FAM76A: variants seen among roughly 807,000 people sequenced by gnomAD.
FAM76A encodes family with sequence similarity 76 member A.
A neutral mutation model predicts 46.2 loss-of-function variants in FAM76A; 32 were observed. The observed-to-expected ratio is 0.69, with a 90% CI of 0.52 to 0.93. The LOEUF is 0.93. FAM76A is among the 40% of genes least tolerant of loss of function. The probability of loss-of-function intolerance (pLI) is 0.00; values close to 1 mark genes in which losing one functional copy is unlikely to be tolerated. For missense variants in FAM76A, 274 were observed against 361.5 expected (o/e 0.76, Z 1.96); for synonymous variants, 137 against 127.0 (o/e 1.08, Z -0.53).
chr1:27,727,588 A>G, intron 2 of FAM76A, 52 bp downstream of exon 2: 2 of 1,382,034 alleles, frequency 1.4e-6, no homozygotes, highest in South Asian at 2.4e-5. Flanking sequence ...TCCTCTTAAA[A>G]TCTGTAATTG....
chr1:27,743,866 A>C (rs911543755), intron 4 of FAM76A, among the ~76,000 whole-genome samples: 1 of 152,050 alleles, frequency 6.6e-6, no homozygotes, highest in African/African-American at 2.4e-5. Flanking sequence ...GCTTGAGCCC[A>C]GAAGTTTAAG....
At chr1:27,757,894 G>A (rs11247677) in intron 7 of FAM76A, among the ~76,000 whole-genome samples, 5,740 of 151,892 alleles carry the variant, frequency 0.038, 370 homozygotes, top group African/African-American at 0.13. Flanking sequence ...GGAGAATGGC[G>A]TGAACCGGTG....
At chr1:27,734,249 TA>T in intron 4 of FAM76A, 66 bp downstream of exon 4, 1 of 1,508,722 alleles carries the variant, frequency 6.6e-7, no homozygotes. Flanking sequence ...CTAACTGTGT[TA>T]AAAACACATT....
rs11247680 is a variant in FAM76A at position 27,762,072 on chromosome 1, C to A, written c.*1491C>A. ...GTCTGGGAAAAGTGGTATCACTATA[C>A]CTTCTCCCCACTCCTCACCCACCCG... is the stretch of plus-strand genomic sequence containing the variant. On this transcript the variant is annotated 3_prime_UTR_variant, in exon 9 of 9. Coordinates refer to ENST00000373954, the MANE Select transcript of FAM76A (RefSeq NM_152660.3). The A allele has an allele frequency of 0.17, 26,263 of 151,982 alleles. 5,988 individuals carry two copies. Among genetic ancestry groups the A allele is most frequent in the African/African-American group, 0.52 (21,632 of 41,382 alleles). 9.4% of individuals were successfully genotyped at this position (151,982 alleles called of 1,614,324 possible).
At chr1:27,740,430 T>C (rs1383015327) in intron 4 of FAM76A, 3 of 1,470,776 alleles carry the variant, frequency 2.0e-6, no homozygotes, top group Non-Finnish European at 2.8e-6. Context: ...CATTCACTGG[T>C]TGAGGACCCA....
chr1:27,732,582 T>C lies in FAM76A; in HGVS notation c.147-21T>C, dbSNP rs1202654954. The C allele has an allele frequency of 2.5e-6, 4 of 1,598,426 alleles. No individual in the cohort carries two copies. The South Asian group carries it at 4.4e-5, about 18-fold the overall frequency. On this transcript the variant is annotated intron_variant, in intron 2 of 8. Transcript: ENST00000373954. Reference sequence around the variant, plus strand: ...TTTCAGATATTCTAAGAAAAGCCTGTGTCTCTTTCTTCCTTAACAGTAAAA... The same window carrying C: ...TTTCAGATATTCTAAGAAAAGCCTGCGTCTCTTTCTTCCTTAACAGTAAAA...
At chr1:27,734,245 G>A (rs2088007562) in intron 4 of FAM76A, 62 bp downstream of exon 4, 2 of 1,525,768 alleles carry the variant, frequency 1.3e-6, no homozygotes, top group African/African-American at 1.4e-5. Context: ...TGGACTAACT[G>A]TGTTAAAAAC....
At chr1:27,737,919 G>A (rs985998032) in intron 4 of FAM76A, among the ~76,000 whole-genome samples, 12 of 151,468 alleles carry the variant, frequency 7.9e-5, no homozygotes, top group African/African-American at 2.2e-4. Context: ...GCCAGGCGTG[G>A]TGGTGCATGT....
At chr1:27,733,960 T>C in intron 3 of FAM76A, 71 bp from the exon 4 acceptor site, 1 of 1,444,318 alleles carries the variant, frequency 6.9e-7, no homozygotes, top group African/African-American at 1.5e-5. Flanking sequence ...AAAGTAGGAA[T>C]TATTGCTTTT....
At chr1:27,740,067 C>T (rs945382758) in intron 4 of FAM76A, 3 of 407,442 alleles carry the variant, frequency 7.4e-6, no homozygotes, top group Non-Finnish European at 1.4e-5. Context: ...CATGGATGGG[C>T]ACTTTGTTCC....
chr1:27,743,163 AT>A (rs1418024299), intron 4 of FAM76A, among the ~76,000 whole-genome samples: 7 of 152,214 alleles, frequency 4.6e-5, no homozygotes, highest in African/African-American at 1.4e-4. Context: ...CTATTTATTC[AT>A]TTTTGAGAAA....
chr1:27,726,184 CG>C, intron 1 of FAM76A, 23 bp downstream of exon 1: 2 of 1,269,532 alleles, frequency 1.6e-6, no homozygotes, highest in Non-Finnish European at 9.9e-7. Flanking sequence ...GGGCGGCGGC[CG>C]GGAACTGGGG....
chr1:27,763,017 C>T lies in FAM76A; in HGVS notation c.*2436C>T, dbSNP rs1405240025. On this transcript the variant is annotated 3_prime_UTR_variant, in exon 9 of 9. Coordinates refer to ENST00000373954, the MANE Select transcript of FAM76A (RefSeq NM_152660.3). ...TAACTTTTGGTAACACCTTTTGTTT[C>T]TTTGTATGTTTGTAATAATGGACAT... 1.3e-5 allele frequency: 2 copies of T among 152,046 alleles called. No homozygotes were observed. Among genetic ancestry groups the T allele is most frequent in the Admixed American group, 1.3e-4 (2 of 15,240 alleles). The allele number at this position is 152,046 out of a possible 1,614,324, so 9.4% of individuals were successfully genotyped here.
At chr1:27,737,865 C>CAAAAAAAAA (rs2088076595) in intron 4 of FAM76A, among the ~76,000 whole-genome samples, 1 of 34,242 alleles carries the variant, frequency 2.9e-5, no homozygotes, top group Non-Finnish European at 6.6e-5. Context: ...ACAACAACAA[C>CAAAAAAAAA]AACAAAAAAA....
intron 4 of FAM76A, among the ~76,000 whole-genome samples, chr1:27,741,004 A>G (rs1249014903): frequency 2.0e-5 from 3 of 151,694 alleles, no homozygotes; most frequent in Admixed American, 6.6e-5. Flanking sequence ...CATGCCTATA[A>G]TCCTATAATC....
At chr1:27,738,309 G>A (rs2088091585) in intron 4 of FAM76A, among the ~76,000 whole-genome samples, 2 of 151,924 alleles carry the variant, frequency 1.3e-5, no homozygotes, top group Admixed American at 1.3e-4. Flanking sequence ...GGCCAACATG[G>A]TGAAACCCCG....
At chr1:27,759,850 C>G (rs1571503934) in intron 8 of FAM76A, 1 of 572,168 alleles carries the variant, frequency 1.7e-6, no homozygotes, top group Non-Finnish European at 3.2e-6. Flanking sequence ...TTACTGCAGC[C>G]TCAACCTCCC....
At chr1:27,740,895 G>A (rs536523750) in intron 4 of FAM76A, among the ~76,000 whole-genome samples, 13 of 152,154 alleles carry the variant, frequency 8.5e-5, no homozygotes, top group Admixed American at 2.0e-4. Flanking sequence ...TTGGGAGGCC[G>A]AGGAGGGAGG....
chr1:27,751,443 T>C (rs2088329883), intron 6 of FAM76A, among the ~76,000 whole-genome samples: 1 of 152,176 alleles, frequency 6.6e-6, no homozygotes, highest in Non-Finnish European at 1.5e-5. Flanking sequence ...TGACATTTTT[T>C]TTGACAGTCC....
Sources: gnomAD v4.1 joint callset for allele counts (sites outside exome capture counted in the v4.1 genomes callset) on GRCh38, gnomAD v4.1.1 for gene constraint, MANE v1.5 for transcripts, NCBI Gene and HGNC (gene_info 2026-07-23, HGNC 2026-07-21) for gene names.